The following DACH1 variants were observed in gnomAD, a reference collection of about 807,000 sequenced individuals.
DACH1 encodes dachshund homolog 1.
A neutral mutation model predicts 54.2 loss-of-function variants in DACH1; 12 were observed. The observed-to-expected ratio is 0.22, with a 90% confidence interval of 0.14 to 0.36. The LOEUF is 0.36. Among genes scored for constraint, DACH1 ranks in the 10% least tolerant of loss-of-function variants. The pLI, the probability that DACH1 is intolerant of heterozygous loss-of-function variation, is 1.00. For synonymous variants in DACH1, 386 were observed against 366.2 expected (o/e 1.05, Z -0.62); for missense variants, 805 against 929.8 (o/e 0.87, Z 1.75).
chr13:71,587,504 A>C (rs1873371027), intron 3 of DACH1, among the ~76,000 whole-genome samples: 1 of 152,280 alleles, frequency 6.6e-6, no homozygotes, highest in Admixed American at 6.5e-5. Context: ...CTGAAATAAA[A>C]ACTTATGATG....
chr13:71,519,876 C>A (rs2138277780), intron 6 of DACH1, among the ~76,000 whole-genome samples: 7 of 9,730 alleles, frequency 7.2e-4, no homozygotes, highest in Admixed American at 5.3e-3. Flanking sequence ...GTGTCCAAAC[C>A]AAAGTAGTAT....
chr13:71,682,891 G>A (rs1396985163), intron 1 of DACH1, among the ~76,000 whole-genome samples: 1 of 152,100 alleles, frequency 6.6e-6, no homozygotes, highest in East Asian at 1.9e-4. Flanking sequence ...TTTTAGCATT[G>A]TGTTTTCACT....
intron 1 of DACH1, among the ~76,000 whole-genome samples, chr13:71,749,558 C>A (rs1334055267): frequency 1.3e-5 from 2 of 152,122 alleles, no homozygotes; most frequent in Non-Finnish European, 2.9e-5. Flanking sequence ...ACTCAGTAAA[C>A]ATAATTATTA....
intron 3 of DACH1, among the ~76,000 whole-genome samples, chr13:71,577,543 A>C (rs2138425509): frequency 6.6e-6 from 1 of 152,354 alleles, no homozygotes; most frequent in South Asian, 2.1e-4. Flanking sequence ...ATGCTGATTC[A>C]GTTGCTATAA....
intron 7 of DACH1, among the ~76,000 whole-genome samples, chr13:71,483,946 T>C (rs1232585631): frequency 6.6e-6 from 1 of 152,218 alleles, no homozygotes; most frequent in South Asian, 2.1e-4. Flanking sequence ...GTGCATTCTA[T>C]GATGTTTGCA....
chr13:71,755,754 A>G (rs976317267), intron 1 of DACH1, among the ~76,000 whole-genome samples: 2 of 152,202 alleles, frequency 1.3e-5, no homozygotes, highest in East Asian at 3.9e-4. Flanking sequence ...AATGTCTTCA[A>G]ACTAAATCAA....
At chr13:71,797,093 A>G (rs1204468974) in intron 1 of DACH1, among the ~76,000 whole-genome samples, 3 of 151,912 alleles carry the variant, frequency 2.0e-5, no homozygotes, top group African/African-American at 7.3e-5. Context: ...CTCCTTTCTC[A>G]CTTTGTTAAC....
chr13:71,527,229 G>A (rs9529906), intron 6 of DACH1, among the ~76,000 whole-genome samples: 3,918 of 151,606 alleles, frequency 0.026, 78 homozygotes, highest in East Asian at 0.071. Context: ...GGTTATTCTT[G>A]AATGCATCAC....
intron 10 of DACH1, among the ~76,000 whole-genome samples, chr13:71,467,132 C>T (rs974151333): frequency 2.6e-4 from 39 of 151,610 alleles, no homozygotes; most frequent in African/African-American, 8.0e-4. Context: ...GTCTATATCA[C>T]GTATAGTTTA....
intron 6 of DACH1, among the ~76,000 whole-genome samples, chr13:71,523,270 A>T (rs545145656): frequency 6.6e-6 from 1 of 152,256 alleles, no homozygotes; most frequent in Non-Finnish European, 1.5e-5. Flanking sequence ...TTCAGAATGA[A>T]ATGCCATAAT....
intron 6 of DACH1, among the ~76,000 whole-genome samples, chr13:71,516,034 T>C (rs1162242052): frequency 6.6e-6 from 1 of 151,720 alleles, no homozygotes; most frequent in Admixed American, 6.6e-5. Flanking sequence ...AATAAGCACG[T>C]TGGTAGGAGG....
intron 1 of DACH1, among the ~76,000 whole-genome samples, chr13:71,711,865 C>T (rs1040536394): frequency 2.0e-5 from 3 of 152,052 alleles, no homozygotes; most frequent in Non-Finnish European, 2.9e-5. Context: ...TACTTAAATA[C>T]TTCCCTTTTC....
chr13:71,727,569 T>G (rs1883530742), intron 1 of DACH1, among the ~76,000 whole-genome samples: 5 of 152,094 alleles, frequency 3.3e-5, no homozygotes, highest in Admixed American at 2.6e-4. Context: ...TACAAAGATG[T>G]AGGTTATAGG....
chr13:71,867,034 G>T lies in DACH1; in HGVS notation c.-265C>A, dbSNP rs1002240689. ...GCAAGTCGAAATGCGAGTCCTCTCC[G>T]GGGGCTGGGATCGAGGGCTGGTTTG... On this transcript the variant is annotated 5_prime_UTR_variant, in exon 1 of 11. Coordinates refer to ENST00000613252, the MANE Select transcript of DACH1 (RefSeq NM_080759.6). 5.5e-5 allele frequency: 15 copies of T among 274,692 alleles called. No individual in the cohort carries two copies. Among genetic ancestry groups the T allele is most frequent in the Non-Finnish European group, 9.5e-5 (14 of 147,926 alleles). 17.0% of individuals were successfully genotyped at this position (274,692 alleles called of 1,614,324 possible).
chr13:71,590,927 G>A (rs2138460569), intron 3 of DACH1, among the ~76,000 whole-genome samples: 1 of 145,902 alleles, frequency 6.9e-6, no homozygotes, highest in East Asian at 2.0e-4. Flanking sequence ...CAACCAGGCG[G>A]GAGTGCAGGG....
chr13:71,441,767 T>C (rs1360009201), intron 10 of DACH1, among the ~76,000 whole-genome samples: 2 of 152,136 alleles, frequency 1.3e-5, no homozygotes, highest in Non-Finnish European at 2.9e-5. Context: ...ATAGTGGATA[T>C]AGTAAGTTGC....
chr13:71,840,702 TAAGAG>T (rs1171780732), intron 1 of DACH1, among the ~76,000 whole-genome samples: 1 of 152,192 alleles, frequency 6.6e-6, no homozygotes, highest in Non-Finnish European at 1.5e-5. Context: ...GCAAAATGAA[TAAGAG>T]AAGTGATAAA....
chr13:71,442,518 G>C (rs1245148135), intron 10 of DACH1, among the ~76,000 whole-genome samples: 2 of 151,970 alleles, frequency 1.3e-5, no homozygotes, highest in Non-Finnish European at 2.9e-5. Flanking sequence ...CATTTGTAGG[G>C]TTGAAATACT....
intron 1 of DACH1, among the ~76,000 whole-genome samples, chr13:71,860,441 T>C (rs1350863601): frequency 1.3e-5 from 2 of 149,566 alleles, no homozygotes; most frequent in African/African-American, 4.9e-5. Flanking sequence ...TCTAAAGATA[T>C]ATAACTTAAT....
Sources: gnomAD v4.1 joint callset for allele counts (sites outside exome capture counted in the v4.1 genomes callset) on GRCh38, gnomAD v4.1.1 for gene constraint, MANE v1.5 for transcripts, NCBI Gene and HGNC (gene_info 2026-07-23, HGNC 2026-07-21) for gene names.